Variants in ZNF808 observed in about 807,000 individuals in gnomAD.
ZNF808 encodes zinc finger protein 808.
In ZNF808, 5 loss-of-function variants were observed where a neutral mutation model predicts 8.7. The ratio of observed to expected loss-of-function variants is 0.58; its 90% CI spans 0.30 to 1.21. ZNF808 has a LOEUF of 1.21. Among genes scored for constraint, ZNF808 ranks in the 50% most tolerant of loss-of-function variants. The pLI, the probability that ZNF808 is intolerant of heterozygous loss-of-function variation, is 0.07. For missense variants in ZNF808, 1,103 were observed against 1,098.4 expected (o/e 1.00, Z -0.06); for synonymous variants, 380 against 366.0 (o/e 1.04, Z -0.44).
rs1449062502 is a variant in ZNF808, at chr19:52,529,911, A to ATAT, written c.-122+2201_-122+2202insATT. On this transcript the variant is annotated intron_variant, in intron 1 of 4. Transcript: ENST00000359798. ...AGTTTACATATATATATATATATAT[A>ATAT]TTTTTTTTTTTTGTAGAAACGTGGT... Among the ~76,000 whole-genome samples the ATAT allele has an allele frequency of 5.4e-3, 446 of 81,908 alleles. 1 individual carries two copies. Among genetic ancestry groups the ATAT allele is most frequent in the African/African-American group, 0.022 (423 of 19,556 alleles). 53.7% of individuals were successfully genotyped at this position (81,908 alleles called of 152,430 possible). A position where few individuals can be genotyped will look rare whatever the true frequency, so the allele number is the denominator to read the frequency against.
intron 2 of ZNF808, among the ~76,000 whole-genome samples, chr19:52,536,509 C>G (rs1342687524): frequency 6.6e-6 from 1 of 152,124 alleles, no homozygotes; most frequent in Middle Eastern, 3.2e-3. Context: ...CCCCTACATC[C>G]CCCCTCGTGG....
chr19:52,562,858 A>G (rs2123229420), intron 3 of ZNF808, among the ~76,000 whole-genome samples: 1 of 151,632 alleles, frequency 6.6e-6, no homozygotes, highest in East Asian at 1.9e-4. Flanking sequence ...ACTGCAACCT[A>G]CGCCTCCTTG....
rs529326397 is a variant in ZNF808 at position 52,538,562 on chromosome 19, A to G, written c.-19-4704A>G. Among the ~76,000 whole-genome samples, 3 of 149,262 alleles carry G rather than the reference A, an allele frequency of 2.0e-5. No individual in the cohort carries two copies. The South Asian group carries it at 6.4e-4, about 32-fold the overall frequency. ...AGAATCACTTGAACCCAGGAGGCAGAGGTTGTGGTGAGCTGAGATCGCACC... is the reference window on the plus strand; with the variant it reads ...AGAATCACTTGAACCCAGGAGGCAGGGGTTGTGGTGAGCTGAGATCGCACC... On this transcript the variant is annotated intron_variant, in intron 2 of 4. Transcript: ENST00000359798.
rs562415242 is a variant in ZNF808, at chr19:52,555,793, C to A, written c.*165C>A. On this transcript the variant is annotated 3_prime_UTR_variant, in exon 5 of 5. Coordinates refer to ENST00000359798, the MANE Select transcript of ZNF808 (RefSeq NM_001039886.4). ...AACCTCATACTGGAGAGAAACCTTACAAATGTCATGATTGAGGCAAGGTCT... is the reference window on the plus strand; with the variant it reads ...AACCTCATACTGGAGAGAAACCTTAAAAATGTCATGATTGAGGCAAGGTCT... The A allele has an allele frequency of 6.7e-5, 73 of 1,083,736 alleles. No individual in the cohort carries two copies. The highest frequency in any genetic ancestry group is 9.6e-5 in the Non-Finnish European group (69 of 722,020). 67.1% of individuals were successfully genotyped at this position (1,083,736 alleles called of 1,614,324 possible). A position where few individuals can be genotyped will look rare whatever the true frequency, so the allele number is the denominator to read the frequency against.
chr19:52,548,800 C>T (rs1208385586), intron 4 of ZNF808, among the ~76,000 whole-genome samples: 4 of 152,040 alleles, frequency 2.6e-5, no homozygotes, highest in African/African-American at 4.8e-5. Context: ...ATTTATCTGT[C>T]GATGCACATC....
intron 3 of ZNF808, among the ~76,000 whole-genome samples, chr19:52,543,975 A>G (rs960761807): frequency 2.0e-5 from 3 of 152,056 alleles, no homozygotes; most frequent in African/African-American, 7.2e-5. Flanking sequence ...CCTGGCTAAC[A>G]TGGTGAAACC....
At chr19:52,567,734 A>G (rs1231049678), downstream of ZNF808, among the ~76,000 whole-genome samples, 1 of 151,824 alleles carries the variant, frequency 6.6e-6, no homozygotes, top group African/African-American at 2.4e-5. Context: ...TATATTGGTC[A>G]GGCTGGTCTC....
At chr19:52,529,248 C>A (rs1055569892) in intron 1 of ZNF808, among the ~76,000 whole-genome samples, 2 of 151,128 alleles carry the variant, frequency 1.3e-5, no homozygotes, top group African/African-American at 2.4e-5. Flanking sequence ...GGGGCATAAT[C>A]GTGTGCACCT....
In ZNF808 at chr19:52,555,205, C is replaced by A. The variant is rs1334726458; in HGVS notation, c.2289C>A (p.Tyr763Ter). 1.9e-6 allele frequency: 3 copies of A among 1,614,098 alleles called. No homozygotes were observed. The highest frequency in any genetic ancestry group is 2.5e-6 in the Non-Finnish European group (3 of 1,180,004). ...GACTTCATAGTGGTGAGAAACCTTA[C>A]AAGTGTAACGACTGTGGCAATACCT... ...HRRLHSGEKPYKCNDCGNTFR... is the reference protein window; with the variant it reads ...HRRLHSGEKP Residue 763 changes from tyrosine to a stop codon, truncating the protein, a stop_gained, in exon 5 of 5, where the codon TAC becomes TAA. Coordinates refer to ENST00000359798, the MANE Select transcript of ZNF808 (RefSeq NM_001039886.4). LOFTEE classifies it low-confidence loss of function (END_TRUNC).
intron 3 of ZNF808, among the ~76,000 whole-genome samples, chr19:52,546,642 C>CTTTTTTTTTT (rs67940309): frequency 2.0e-5 from 2 of 98,796 alleles, no homozygotes; most frequent in African/African-American, 4.0e-5. Flanking sequence ...CCTGTGTTTG[C>CTTTTTTTTTT]TTTTTTTTTT....
At chr19:52,544,506 T>A (rs575374678) in intron 3 of ZNF808, among the ~76,000 whole-genome samples, 2 of 152,174 alleles carry the variant, frequency 1.3e-5, no homozygotes, top group East Asian at 3.9e-4. Context: ...AATTTTTGTA[T>A]TTTTAGTTGA....
chr19:52,541,897 C>T (rs1363311920), intron 2 of ZNF808, among the ~76,000 whole-genome samples: 3 of 152,110 alleles, frequency 2.0e-5, no homozygotes, highest in African/African-American at 7.2e-5. Flanking sequence ...GAGTGGCTTT[C>T]TAAACCCCCA....
chr19:52,535,379 G>A (rs944057457), intron 2 of ZNF808, among the ~76,000 whole-genome samples: 3 of 151,778 alleles, frequency 2.0e-5, no homozygotes, highest in African/African-American at 7.3e-5. Context: ...AAGAGCGAGG[G>A]AGAGACGAGG....
In ZNF808 at chr19:52,553,792, TG is replaced by T. The variant is rs2059802860; in HGVS notation, c.878del (p.Gly293GlufsTer20). On this transcript the variant is annotated frameshift_variant, in exon 5 of 5. Transcript: ENST00000359798. LOFTEE classifies it low-confidence loss of function (END_TRUNC). ...AGAAACCTTACAAGTGTAAAGAGTG[TG>T]GAAAGTCCTTCAGTTACAAGTCATC... ...GEKPYKCKEC[G>X]KSFSYKSSLT... is the part of the protein sequence containing the mutation. The T allele has an allele frequency of 6.2e-7, 1 of 1,614,040 alleles. No individual in the cohort carries two copies. Among genetic ancestry groups the T allele is most frequent in the South Asian group, 1.1e-5 (1 of 91,092 alleles).
At chr19:52,556,981 TG>T (rs1352721776), downstream of ZNF808, among the ~76,000 whole-genome samples, 2 of 152,042 alleles carry the variant, frequency 1.3e-5, no homozygotes, top group African/African-American at 2.4e-5. Context: ...TTTGTTTGTT[TG>T]TTTTTTTTTA....
rs1206504131 is a variant in ZNF808 at position 52,527,702 on chromosome 19, C to T, written c.-131C>T. The stretch of plus-strand genomic sequence containing the variant: ...AGCGGATCGGGTGGAGTGAAGGTCA[C>T]GTCGCCATGGTGAGTTTTGCTCTGT... On this transcript the variant is annotated 5_prime_UTR_variant, in exon 1 of 5. It adds an upstream start codon to the 5' untranslated region. Coordinates refer to ENST00000359798, the MANE Select transcript of ZNF808 (RefSeq NM_001039886.4). 3 of 157,154 alleles carry T rather than the reference C, an allele frequency of 1.9e-5. No individual in the cohort carries two copies. The highest frequency in any genetic ancestry group is 2.4e-5 in the African/African-American group (1 of 41,506). The allele number at this position is 157,154 out of a possible 1,614,324, so 9.7% of individuals were successfully genotyped here. A position where few individuals can be genotyped will look rare whatever the true frequency, so the allele number is the denominator to read the frequency against.
At chr19:52,564,897 T>C (rs780794908), downstream of ZNF808, among the ~76,000 whole-genome samples, 9 of 152,038 alleles carry the variant, frequency 5.9e-5, no homozygotes, top group Non-Finnish European at 1.3e-4. Flanking sequence ...CCATCCTGGC[T>C]AACACGGTGA....
downstream of ZNF808, among the ~76,000 whole-genome samples, chr19:52,561,212 CTATATATATATATATA>C (rs374488821): frequency 5.0e-5 from 2 of 40,062 alleles, 1 homozygote; most frequent in Non-Finnish European, 9.2e-5. Flanking sequence ...CTCTCTCTCT[CTATATATATATATATA>C]TATATATATA....
intron 2 of ZNF808, among the ~76,000 whole-genome samples, chr19:52,540,805 A>T (rs765385236): frequency 6.6e-6 from 1 of 152,118 alleles, no homozygotes; most frequent in Non-Finnish European, 1.5e-5. Flanking sequence ...TTAAACATCT[A>T]TTGCTATGTG....
Sources: gnomAD v4.1 joint callset for allele counts (sites outside exome capture counted in the v4.1 genomes callset) on GRCh38, gnomAD v4.1.1 for gene constraint, MANE v1.5 for transcripts, NCBI Gene and HGNC (gene_info 2026-07-23, HGNC 2026-07-21) for gene names.